CDH4: variants seen among roughly 807,000 people sequenced by gnomAD.
CDH4 encodes cadherin 4.
Under a neutral mutation model 86.0 loss-of-function variants are expected in CDH4, and 33 were observed. The ratio of observed to expected loss-of-function variants is 0.38; its 90% CI spans 0.29 to 0.51. The LOEUF is 0.51. Among genes scored for constraint, CDH4 ranks in the 20% least tolerant of loss-of-function variants. CDH4 has a pLI of 0.86. For synonymous variants in CDH4, 555 were observed against 549.4 expected (o/e 1.01, Z -0.14); for missense variants, 1,114 against 1,307.4 (o/e 0.85, Z 2.28).
At chr20:61,534,653 CTTTCTTTCTTTCTTTTTT>C (rs2085981269) in intron 2 of CDH4, among the ~76,000 whole-genome samples, 1 of 92,770 alleles carries the variant, frequency 1.1e-5, no homozygotes, top group African/African-American at 7.8e-5. Flanking sequence ...TCTTTCTTTT[CTTTCTTTCTTTCTTTTTT>C]TTTTTTTTTT....
intron 2 of CDH4, among the ~76,000 whole-genome samples, chr20:61,404,434 T>C (rs917411692): frequency 1.3e-5 from 2 of 152,162 alleles, no homozygotes; most frequent in Non-Finnish European, 2.9e-5. Flanking sequence ...AATTTCACGC[T>C]TCTTGCCTTT....
intron 2 of CDH4, among the ~76,000 whole-genome samples, chr20:61,720,025 A>C (rs887828050): frequency 6.6e-6 from 1 of 152,096 alleles, no homozygotes; most frequent in African/African-American, 2.4e-5. Context: ...CCTTCTTGCA[A>C]GTTCCTCCCA....
chr20:61,306,382 G>A (rs4812297), intron 2 of CDH4, among the ~76,000 whole-genome samples: 83,779 of 151,738 alleles, frequency 0.55, 24,745 homozygotes, highest in Non-Finnish European at 0.66. Context: ...CTGTCACCCA[G>A]GCTGGAGTAC....
chr20:61,660,644 G>A (rs1474833546), intron 2 of CDH4, among the ~76,000 whole-genome samples: 1 of 152,184 alleles, frequency 6.6e-6, no homozygotes, highest in Non-Finnish European at 1.5e-5. Flanking sequence ...GTTCGTGGAT[G>A]TCACTGAGTC....
chr20:61,516,177 G>A lies in CDH4; in HGVS notation c.170-227386G>A, dbSNP rs996489816. On this transcript the variant is annotated intron_variant, in intron 2 of 15. Coordinates refer to ENST00000614565, the MANE Select transcript of CDH4 (RefSeq NM_001794.5). This position sits in a 1 kb window ranked among gnomAD's most constrained non-coding sequence, Gnocchi z 4.0. ...CCTTGGGCCGTGGGCCGGAGGGGAC[G>A]CTGGCCACCTCTCTTACCCTAGAAG... Among the ~76,000 whole-genome samples, 1 of 152,266 alleles carries A rather than the reference G, an allele frequency of 6.6e-6. No homozygotes were observed. The highest frequency in any genetic ancestry group is 2.1e-4 in the South Asian group (1 of 4,816).
chr20:61,439,199 A>C lies in CDH4; in HGVS notation c.169+184262A>C, dbSNP rs192460090. Reference sequence around the variant, plus strand: ...TTATTTGAAGATTCAGGCCTGTCTTAAAAGCGAGAGCCCAAGAAGGGTGTT... The same window carrying C: ...TTATTTGAAGATTCAGGCCTGTCTTCAAAGCGAGAGCCCAAGAAGGGTGTT... On this transcript the variant is annotated intron_variant, in intron 2 of 15. Transcript: ENST00000614565. 1.6e-4 allele frequency among the ~76,000 whole-genome samples: 22 copies of C among 137,896 alleles called. No homozygotes were observed. In the East Asian group the frequency reaches 3.5e-3, roughly 22 times the overall value. 90.5% of individuals were successfully genotyped at this position (137,896 alleles called of 152,430 possible). A position where few individuals can be genotyped will look rare whatever the true frequency, so the allele number is the denominator to read the frequency against.
intron 2 of CDH4, among the ~76,000 whole-genome samples, chr20:61,256,690 C>G (rs781030977): frequency 4.1e-4 from 63 of 152,132 alleles, no homozygotes; most frequent in Admixed American, 2.7e-3. Context: ...TCCAAGTGCC[C>G]GTTGACTTAC....
At chr20:61,796,430 C>A (rs1041838528) in intron 4 of CDH4, among the ~76,000 whole-genome samples, 2 of 152,156 alleles carry the variant, frequency 1.3e-5, no homozygotes, top group African/African-American at 4.8e-5. Context: ...GACGTCACTA[C>A]CCCCAGCCCC....
chr20:61,278,526 C>T (rs1353684838), intron 2 of CDH4, among the ~76,000 whole-genome samples: 6 of 152,244 alleles, frequency 3.9e-5, no homozygotes, highest in Non-Finnish European at 7.3e-5. Flanking sequence ...CTGCATGGTG[C>T]AGCTGCCCCT....
chr20:61,608,200 G>A (rs1213667549), intron 2 of CDH4, among the ~76,000 whole-genome samples: 3 of 152,136 alleles, frequency 2.0e-5, no homozygotes, highest in East Asian at 1.9e-4. Flanking sequence ...TTGTCATAAC[G>A]CTTGATTAAC....
chr20:61,631,255 A>G (rs773670741), intron 2 of CDH4, among the ~76,000 whole-genome samples: 11 of 152,184 alleles, frequency 7.2e-5, no homozygotes, highest in Non-Finnish European at 1.5e-4. Flanking sequence ...GCATGTCACC[A>G]TAGTGCTGGG....
intron 12 of CDH4, among the ~76,000 whole-genome samples, chr20:61,928,889 T>C (rs937943724): frequency 3.3e-5 from 5 of 152,244 alleles, no homozygotes; most frequent in Non-Finnish European, 7.3e-5. Context: ...CCACCAACAC[T>C]GAACATTATT....
Position 61,844,812 on chromosome 20 carries a change from G to C in CDH4, c.721G>C (p.Ala241Pro). 6.2e-7 allele frequency: 1 copy of C among 1,612,158 alleles called. No homozygotes were observed. The highest frequency in any genetic ancestry group is 8.5e-7 in the Non-Finnish European group (1 of 1,178,794). ...AAGGCCCATGGACCGGGAGGAGCAC[G>C]CCTCTTACCACGTGAGTGTCCACAC... is the stretch of plus-strand genomic sequence containing the variant. The part of the protein sequence containing the change: ...VTRPMDREEH[A>P]SYHLRAHAVD... The change falls in exon 5 of 16, where the codon GCC (alanine) becomes CCC (proline). Residue 241 changes from alanine to proline, a missense_variant. By Grantham distance (27) the Ala-to-Pro change is conservative (BLOSUM62 -1). Around this residue, in one of 3 missense-constraint regions of CDH4, gnomAD observed 705 missense variants for 914.1 expected, o/e 0.77. Transcript: ENST00000614565.
At chr20:61,566,164 A>C (rs2086296333) in intron 2 of CDH4, among the ~76,000 whole-genome samples, 1 of 152,102 alleles carries the variant, frequency 6.6e-6, no homozygotes, top group Admixed American at 6.5e-5. Flanking sequence ...CCACCCCTGC[A>C]TGGTCCCAGG....
At chr20:61,356,448 T>G (rs573768123) in intron 2 of CDH4, among the ~76,000 whole-genome samples, 1 of 152,166 alleles carries the variant, frequency 6.6e-6, no homozygotes, top group Admixed American at 6.5e-5. Flanking sequence ...TGTTGATGAG[T>G]GAAGCCAAGC....
intron 3 of CDH4, among the ~76,000 whole-genome samples, chr20:61,757,395 A>G (rs1410599051): frequency 2.0e-5 from 3 of 152,244 alleles, no homozygotes; most frequent in African/African-American, 7.2e-5. Context: ...TGCTTCTTTC[A>G]GGCCTGAGAA....
At chr20:61,673,370 C>T (rs1313918960) in intron 2 of CDH4, among the ~76,000 whole-genome samples, 1 of 152,198 alleles carries the variant, frequency 6.6e-6, no homozygotes, top group African/African-American at 2.4e-5. Flanking sequence ...CCGGGGCAAT[C>T]TTTTTGTGCC....
At chr20:61,364,298 G>A (rs1397106266) in intron 2 of CDH4, among the ~76,000 whole-genome samples, 1 of 152,176 alleles carries the variant, frequency 6.6e-6, no homozygotes, top group African/African-American at 2.4e-5. Flanking sequence ...CCGTGGGGGT[G>A]GAGCCATTGG....
chr20:61,883,957 G>A (rs549941028), intron 7 of CDH4, among the ~76,000 whole-genome samples: 4 of 152,274 alleles, frequency 2.6e-5, no homozygotes, highest in South Asian at 4.1e-4. Flanking sequence ...CCCGTGTGGT[G>A]GGTTTTGTGG....
Sources: allele counts gnomAD v4.1 joint callset (sites outside exome capture counted in the v4.1 genomes callset), GRCh38; gene constraint gnomAD v4.1.1; regional missense constraint gnomAD v4.1.1; non-coding constraint Gnocchi (gnomAD v3.1); transcripts MANE v1.5; gene names NCBI Gene and HGNC (gene_info 2026-07-23, HGNC 2026-07-21).